The following MS4A3 variants were observed in gnomAD, a reference collection of about 807,000 sequenced individuals.
MS4A3 encodes membrane spanning 4-domains A3.
MS4A3 carries 18 observed loss-of-function variants against 24.7 expected under a neutral mutation model. The observed-to-expected ratio is 0.73, with a 90% confidence interval of 0.50 to 1.08. The LOEUF (loss-of-function observed/expected upper bound fraction) is 1.08, where lower values mean the gene tolerates loss of function less well. MS4A3 is among the 50% of genes least tolerant of loss of function. The pLI is 0.00. For synonymous variants in MS4A3, 84 were observed against 95.3 expected (o/e 0.88, Z 0.69); for missense variants, 282 against 251.7 (o/e 1.12, Z -0.82).
chr11:60,067,139 T>C, intron 5 of MS4A3, 27 bp downstream of exon 5: 1 of 1,545,838 alleles, frequency 6.5e-7, no homozygotes, highest in Non-Finnish European at 8.8e-7. Flanking sequence ...TATGTATAAG[T>C]ATAAAATATT....
intron 5 of MS4A3, 66 bp from the exon 6 acceptor site, chr11:60,069,508 C>T: frequency 9.1e-7 from 1 of 1,099,626 alleles, no homozygotes; most frequent in African/African-American, 1.6e-5. Context: ...TGGTTTCCTG[C>T]TGACATTTTT....
rs981103518 is a variant in MS4A3, at chr11:60,070,538, T to C, written c.*305T>C. On this transcript the variant is annotated 3_prime_UTR_variant, in exon 7 of 7. Coordinates refer to ENST00000278865, the MANE Select transcript of MS4A3 (RefSeq NM_006138.5). ...TTCCAGAAATTGGTTCTATTTCTTC[T>C]TATCCACCTACTCCATTGCTTTATG... is the stretch of plus-strand genomic sequence containing the variant. The C allele has an allele frequency of 3.3e-6, 1 of 301,252 alleles. No homozygotes were observed. 18.7% of individuals were successfully genotyped at this position (301,252 alleles called of 1,614,324 possible).
intron 3 of MS4A3, 33 bp downstream of exon 3, chr11:60,062,638 T>C: frequency 6.2e-7 from 1 of 1,610,802 alleles, no homozygotes; most frequent in Non-Finnish European, 8.5e-7. Flanking sequence ...CTATATGTTA[T>C]TTCTTAGATA....
At chr11:60,062,672 G>A in intron 3 of MS4A3, 67 bp downstream of exon 3, 1 of 1,572,516 alleles carries the variant, frequency 6.4e-7, no homozygotes, top group Non-Finnish European at 8.7e-7. Flanking sequence ...TGTGTTTGAT[G>A]ACAAAAATAT....
At position 60,061,305 on chromosome 11, in the gene MS4A3, CA is replaced by C; in HGVS notation, c.147del (p.Val50PhefsTer8). 1 of 1,607,880 alleles carries C rather than the reference CA, an allele frequency of 6.2e-7. No homozygotes were observed. On this transcript the variant is annotated frameshift_variant, in exon 2 of 7. Coordinates refer to ENST00000278865, the MANE Select transcript of MS4A3 (RefSeq NM_006138.5). LOFTEE classifies it high-confidence loss of function. ...GSPDYQKAKL[Q>X]VLGAIQILNA... Reference sequence around the variant, plus strand: ...ACCAGATTATCAGAAAGCAAAATTACAAGTTCTTGGGGTAAGTCAGCCTTAG... The same window carrying C: ...ACCAGATTATCAGAAAGCAAAATTACAGTTCTTGGGGTAAGTCAGCCTTAG...
At chr11:60,057,629 C>T (rs1206762488) in intron 1 of MS4A3, among the ~76,000 whole-genome samples, 1 of 152,144 alleles carries the variant, frequency 6.6e-6, no homozygotes, top group Non-Finnish European at 1.5e-5. Flanking sequence ...TGATCTCAAT[C>T]TCCTGACCTT....
At position 60,062,654 on chromosome 11, in the gene MS4A3, G is replaced by T. The variant is rs201468367; in HGVS notation, c.294+49G>T. On this transcript the variant is annotated intron_variant, in intron 3 of 6. Transcript: ENST00000278865. ...TATATGTTATTTCTTAGATACCACT[G>T]CTGGAGATGTGTTTGATGACAAAAA... is the stretch of plus-strand genomic sequence containing the variant. The T allele has an allele frequency of 1.5e-4, 242 of 1,597,836 alleles. 2 individuals carry two copies. Among genetic ancestry groups the T allele is most frequent in the Non-Finnish European group, 2.0e-4 (238 of 1,170,218 alleles).
rs937873815 is a variant in MS4A3, at chr11:60,061,098, G to C, written c.-15-48G>C. On this transcript the variant is annotated intron_variant, in intron 1 of 6. Transcript: ENST00000278865. ...GTAACACTCAAAATTTTAGTAGCTA[G>C]TGGAAAAAGGGAAAGCATGAAGGCT... The C allele has an allele frequency of 2.0e-6, 3 of 1,501,538 alleles. No individual in the cohort carries two copies. The African/African-American group carries it at 4.2e-5, about 21-fold the overall frequency. 93.0% of individuals were successfully genotyped at this position (1,501,538 alleles called of 1,614,324 possible).
chr11:60,069,487 ATGT>A (rs1183612958), intron 5 of MS4A3, 84 bp from the exon 6 acceptor site: 6 of 800,328 alleles, frequency 7.5e-6, no homozygotes, highest in African/African-American at 6.9e-5. Flanking sequence ...CGGGAGGGAG[ATGT>A]TGTAGTCTGG....
chr11:60,061,754 G>T (rs889857579), intron 2 of MS4A3, among the ~76,000 whole-genome samples: 7 of 152,140 alleles, frequency 4.6e-5, no homozygotes, highest in Admixed American at 4.6e-4. Flanking sequence ...ATGAAAGGGT[G>T]GGCATTCCAA....
At chr11:60,068,065 T>TA in intron 5 of MS4A3, among the ~76,000 whole-genome samples, 1 of 151,562 alleles carries the variant, frequency 6.6e-6, no homozygotes, top group South Asian at 2.1e-4. Context: ...AATAAAAAAA[T>TA]AAAAAAATAA....
chr11:60,056,677 T>A lies in MS4A3; in HGVS notation c.-79T>A, dbSNP rs1234237214. On this transcript the variant is annotated 5_prime_UTR_variant, in exon 1 of 7. Transcript: ENST00000278865. ...ATGCTGTAGTGATCTTTTCTGAGTGTCTCCTACTTGCGACAAGGTGGACTT... is the reference window on the plus strand; with the variant it reads ...ATGCTGTAGTGATCTTTTCTGAGTGACTCCTACTTGCGACAAGGTGGACTT... 6.6e-6 allele frequency: 1 copy of A among 152,206 alleles called. No homozygotes were observed. The highest frequency in any genetic ancestry group is 1.5e-5 in the Non-Finnish European group (1 of 68,044). The allele number at this position is 152,206 out of a possible 1,614,324, so 9.4% of individuals were successfully genotyped here. A position where few individuals can be genotyped will look rare whatever the true frequency, so the allele number is the denominator to read the frequency against.
chr11:60,068,226 T>C (rs1483478614), intron 5 of MS4A3, among the ~76,000 whole-genome samples: 1 of 149,378 alleles, frequency 6.7e-6, no homozygotes, highest in Non-Finnish European at 1.5e-5. Context: ...GAAAGCTCTT[T>C]AATAACCTTA....
At chr11:60,069,116 A>G (rs1332152062) in intron 5 of MS4A3, among the ~76,000 whole-genome samples, 1 of 152,176 alleles carries the variant, frequency 6.6e-6, no homozygotes, top group Non-Finnish European at 1.5e-5. Flanking sequence ...CATTAGCCCA[A>G]CAATTTTATT....
intron 1 of MS4A3, among the ~76,000 whole-genome samples, chr11:60,060,042 C>G (rs961480582): frequency 6.6e-6 from 1 of 152,160 alleles, no homozygotes; most frequent in African/African-American, 2.4e-5. Context: ...AGGAAGTTAT[C>G]TTGCCCAACA....
At chr11:60,062,361 C>G (rs1855289782) in intron 2 of MS4A3, 107 bp from the exon 3 acceptor site, 1 of 1,348,478 alleles carries the variant, frequency 7.4e-7, no homozygotes. Context: ...GACACTTTAA[C>G]CATTTCAAGC....
chr11:60,068,044 C>T (rs938715107), intron 5 of MS4A3, among the ~76,000 whole-genome samples: 1 of 151,888 alleles, frequency 6.6e-6, no homozygotes, highest in Non-Finnish European at 1.5e-5. Flanking sequence ...AAGAGTGAAA[C>T]TGTCTCAAAA....
At chr11:60,067,949 G>A (rs1404414243) in intron 5 of MS4A3, among the ~76,000 whole-genome samples, 3 of 151,988 alleles carry the variant, frequency 2.0e-5, no homozygotes, top group African/African-American at 4.8e-5. Context: ...CTACTTGGGA[G>A]GCTGAGGCAG....
intron 5 of MS4A3, among the ~76,000 whole-genome samples, chr11:60,068,860 C>A (rs1221185355): frequency 1.3e-5 from 2 of 152,102 alleles, no homozygotes; most frequent in Admixed American, 1.3e-4. Context: ...CCCAGCCCCC[C>A]ACCCCACGAC....
Sources: gnomAD v4.1 joint callset for allele counts (sites outside exome capture counted in the v4.1 genomes callset) on GRCh38, gnomAD v4.1.1 for gene constraint, MANE v1.5 for transcripts, NCBI Gene and HGNC (gene_info 2026-07-23, HGNC 2026-07-21) for gene names.